HECTD4: variants seen among roughly 807,000 people sequenced by gnomAD.
HECTD4 encodes HECT domain E3 ubiquitin protein ligase 4.
HECTD4 carries 114 observed loss-of-function variants against 471.5 expected under a neutral mutation model. The ratio of observed to expected loss-of-function variants is 0.24; its 90% confidence interval spans 0.21 to 0.28. HECTD4 has a LOEUF of 0.28. HECTD4 is among the 10% of genes least tolerant of loss of function. HECTD4 has a pLI of 1.00. For synonymous variants in HECTD4, 2,012 were observed against 2,256.0 expected (o/e 0.89, Z 3.07); for missense variants, 3,866 against 5,651.5 (o/e 0.68, Z 10.13).
chr12:112,372,285 AG>A (rs1371314237), intron 1 of HECTD4, among the ~76,000 whole-genome samples: 1 of 151,512 alleles, frequency 6.6e-6, no homozygotes, highest in African/African-American at 2.4e-5. Flanking sequence ...TTTAAGATGG[AG>A]TCTCGCTTTG....
chr12:112,358,587 T>C (rs1657152869), intron 1 of HECTD4, among the ~76,000 whole-genome samples: 1 of 151,860 alleles, frequency 6.6e-6, no homozygotes, highest in Admixed American at 6.6e-5. Context: ...TATTCAGGGG[T>C]AGTAATAAAT....
chr12:112,214,964 G>A (rs1593938097), intron 48 of HECTD4, among the ~76,000 whole-genome samples: 1 of 152,084 alleles, frequency 6.6e-6, no homozygotes, highest in Non-Finnish European at 1.5e-5. Flanking sequence ...GACCAGCCTG[G>A]CCAGCATGGT....
Position 112,239,177 on chromosome 12 carries a change from C to T in HECTD4, c.5165G>A (p.Ser1722Asn). The T allele has an allele frequency of 6.2e-7, 1 of 1,613,896 alleles. No homozygotes were observed. The change falls in exon 34 of 76, where the codon AGC (serine) becomes AAC (asparagine). Residue 1722 changes from serine (S) to asparagine (N), a missense_variant. By Grantham distance (46) the Ser-to-Asn change is conservative. This residue lies in a region of HECTD4 where 229 missense variants were observed against 386.4 expected (regional missense o/e 0.59). Transcript: ENST00000682272. This position sits in a 1 kb window ranked among gnomAD's most constrained non-coding sequence, Gnocchi z 4.9. The stretch of plus-strand genomic sequence containing the variant: ...GCTGGACTCGGTCTGATTGCTCAAG[C>T]TACACAGTCGATCCATGAGCTGCAC... ...GLVQLMDRLC[S>N]LSNQTESSSS...
rs758273849 is a variant in HECTD4, at chr12:112,262,515, C to CAAAAAAAA, written c.2749-1094_2749-1087dup. Among the ~76,000 whole-genome samples the CAAAAAAAA allele has an allele frequency of 1.5e-3, 30 of 19,758 alleles. 2 individuals are homozygous for CAAAAAAAA. The highest frequency in any genetic ancestry group is 3.0e-3 in the East Asian group (2 of 670). The allele number at this position is 19,758 out of a possible 152,430, so 13.0% of individuals were successfully genotyped here. A position where few individuals can be genotyped will look rare whatever the true frequency, so the allele number is the denominator to read the frequency against. Reference sequence around the variant, plus strand: ...TGGGCGACAAAGAGAGACTCCATCTCAAAAAAAAAAAAAAAAAAAAAAAAA... The same window carrying CAAAAAAAA: ...TGGGCGACAAAGAGAGACTCCATCTCAAAAAAAAAAAAAAAAAAAAAAAAAAAAAAAAA... On this transcript the variant is annotated intron_variant, in intron 17 of 75. Coordinates refer to ENST00000682272, the MANE Select transcript of HECTD4 (RefSeq NM_001388303.1).
At chr12:112,245,115 A>C (rs1429144510) in intron 29 of HECTD4, among the ~76,000 whole-genome samples, 1 of 152,130 alleles carries the variant, frequency 6.6e-6, no homozygotes, top group Non-Finnish European at 1.5e-5. Context: ...CAATCCTCCC[A>C]ACTCAGCCTC....
At chr12:112,221,221 G>A (rs1007518843) in intron 44 of HECTD4, among the ~76,000 whole-genome samples, 10 of 152,086 alleles carry the variant, frequency 6.6e-5, no homozygotes, top group African/African-American at 2.2e-4. Context: ...TAGTGAAAAC[G>A]GGCAGGAAAG....
chr12:112,218,489 T>C (rs1307366886), intron 45 of HECTD4, among the ~76,000 whole-genome samples: 1 of 152,220 alleles, frequency 6.6e-6, no homozygotes, highest in Non-Finnish European at 1.5e-5. Context: ...ACATTTCATA[T>C]AAATGGAATT....
Position 112,235,039 on chromosome 12 carries a change from G to T in HECTD4, c.5915+38C>A. 6.5e-7 allele frequency: 1 copy of T among 1,534,300 alleles called. No homozygotes were observed. Among genetic ancestry groups the T allele is most frequent in the Non-Finnish European group, 8.8e-7 (1 of 1,134,884 alleles). On this transcript the variant is annotated intron_variant, in intron 37 of 75. Transcript: ENST00000682272. The surrounding 1 kb of genome is among the most constrained non-coding windows in gnomAD (Gnocchi z 5.0). ...GCACAGTGCCTGTGACATGGGTGGT[G>T]CTTGAGGATGTGTAGCTATCACAAT...
intron 60 of HECTD4, 27 bp from the exon 61 acceptor site, chr12:112,185,520 AATT>A: frequency 6.8e-7 from 1 of 1,478,284 alleles, no homozygotes; most frequent in Non-Finnish European, 9.2e-7. Context: ...TAGTAACAGT[AATT>A]ACTATGCAGC....
At position 112,228,015 on chromosome 12, in the gene HECTD4, G is replaced by A; in HGVS notation, c.6854+74C>T. 7.3e-7 allele frequency: 1 copy of A among 1,375,370 alleles called. No homozygotes were observed. The highest frequency in any genetic ancestry group is 9.8e-7 in the Non-Finnish European group (1 of 1,024,176). 85.2% of individuals were successfully genotyped at this position (1,375,370 alleles called of 1,614,324 possible). ...GGATTCACTAAGTTGGGAGTGGAGG[G>A]GCCCACCAAGGATCCCTTCTTCTGT... is the stretch of plus-strand genomic sequence containing the variant. On this transcript the variant is annotated intron_variant, in intron 43 of 75. Coordinates refer to ENST00000682272, the MANE Select transcript of HECTD4 (RefSeq NM_001388303.1). The surrounding 1 kb of genome is among the most constrained non-coding windows in gnomAD (Gnocchi z 4.9).
intron 7 of HECTD4, chr12:112,301,830 T>A: frequency 1.6e-6 from 1 of 620,014 alleles, no homozygotes; most frequent in Non-Finnish European, 2.8e-6. Context: ...TTTGTATTAT[T>A]TTCATTATTT....
In HECTD4 at chr12:112,314,487, C is replaced by A. The variant is rs1411020236; in HGVS notation, c.755G>T (p.Gly252Val). 2.0e-6 allele frequency: 3 copies of A among 1,531,654 alleles called. No individual in the cohort carries two copies. The highest frequency in any genetic ancestry group is 2.6e-6 in the Non-Finnish European group (3 of 1,143,116). The allele number at this position is 1,531,654 out of a possible 1,614,324, so 94.9% of individuals were successfully genotyped here. The part of the protein sequence containing the change: ...VHLLQKQTDL[G>V]SLPVADVLYR... The stretch of plus-strand genomic sequence containing the variant: ...TAGCACATCAGCTACAGGCAGGGAC[C>A]CTAGATCCGTCTGTTTCTGTAATAG... Residue 252 changes from glycine (G) to valine (V), a missense_variant, in exon 3 of 76, where the codon GGG (glycine) becomes GTG (valine). This residue lies in a region of HECTD4 where 440 missense variants were observed against 636.0 expected (regional missense o/e 0.69). Coordinates refer to ENST00000682272, the MANE Select transcript of HECTD4 (RefSeq NM_001388303.1).
In HECTD4 at chr12:112,163,858, C is replaced by T; in HGVS notation, c.12702-121G>A. 1 of 970,470 alleles carries T rather than the reference C, an allele frequency of 1.0e-6. No homozygotes were observed. The allele number at this position is 970,470 out of a possible 1,614,324, so 60.1% of individuals were successfully genotyped here. On this transcript the variant is annotated intron_variant, in intron 73 of 75. Transcript: ENST00000682272. This position sits in a 1 kb window ranked among gnomAD's most constrained non-coding sequence, Gnocchi z 8.2. ...TGGGAGAGGCCTGGGGCCCAGCCGC[C>T]CTGGTCATCCCAGTCCTTTCCTGCC...
chr12:112,358,915 C>T (rs919598068), intron 1 of HECTD4, among the ~76,000 whole-genome samples: 4 of 152,116 alleles, frequency 2.6e-5, no homozygotes, highest in South Asian at 2.1e-4. Context: ...GTGGCTCATG[C>T]CTATAATCCC....
intron 1 of HECTD4, among the ~76,000 whole-genome samples, chr12:112,321,147 T>C (rs1377174101): frequency 6.6e-6 from 1 of 152,224 alleles, no homozygotes; most frequent in Admixed American, 6.5e-5. Context: ...CCTGGCAGCA[T>C]ACCCCATTCT....
At chr12:112,171,800 G>A (rs931164060) in intron 67 of HECTD4, among the ~76,000 whole-genome samples, 1 of 152,214 alleles carries the variant, frequency 6.6e-6, no homozygotes, top group Non-Finnish European at 1.5e-5. Flanking sequence ...TTGCTGATGA[G>A]GCAAGCGGCT....
intron 1 of HECTD4, chr12:112,321,689 T>A (rs1380117705): frequency 6.6e-6 from 1 of 152,162 alleles, no homozygotes; most frequent in Non-Finnish European, 1.5e-5. Context: ...ATAACAAGAA[T>A]TTCCAAAACA....
At position 112,228,155 on chromosome 12, in the gene HECTD4, G is replaced by T; in HGVS notation, c.6788C>A (p.Pro2263His). 1 of 1,613,876 alleles carries T rather than the reference G, an allele frequency of 6.2e-7. No individual in the cohort carries two copies. Among genetic ancestry groups the T allele is most frequent in the Non-Finnish European group, 8.5e-7 (1 of 1,179,838 alleles). The change falls in exon 43 of 76, where the codon CCT becomes CAT. Residue 2263 changes from proline (P) to histidine (H), a missense_variant. Pro to His is a moderately conservative substitution (Grantham distance 77, BLOSUM62 -2). This residue lies in a region of HECTD4 where 617 missense variants were observed against 915.1 expected (regional missense o/e 0.67). Coordinates refer to ENST00000682272, the MANE Select transcript of HECTD4 (RefSeq NM_001388303.1). This position sits in a 1 kb window ranked among gnomAD's most constrained non-coding sequence, Gnocchi z 4.9. ...EGSLSIHTSL[P>H]ATGDGSAPVM... ...AGGAGCTGACCCATCTCCTGTTGCAGGAAGTGAGGTGTGAATAGAGAGACT... is the reference window on the plus strand; with the variant it reads ...AGGAGCTGACCCATCTCCTGTTGCATGAAGTGAGGTGTGAATAGAGAGACT...
At position 112,247,076 on chromosome 12, in the gene HECTD4, C is replaced by T; in HGVS notation, c.4338G>A (p.Arg1446=). Residue 1446 remains arginine, a splice_region_variant and synonymous_variant, in exon 29 of 76, where the codon AGG becomes AGA. Transcript: ENST00000682272. The stretch of plus-strand genomic sequence containing the variant: ...AATTCACTTCTTGTAGGAACTTCTC[C>T]CTATAAAGAAAGACTGATGTGCATT... ...NDLENMVLSL[R]EKFLQEVNSL... 1 of 1,597,962 alleles carries T rather than the reference C, an allele frequency of 6.3e-7. No individual in the cohort carries two copies. Among genetic ancestry groups the T allele is most frequent in the Middle Eastern group, 2.2e-4 (1 of 4,448 alleles).
Sources: gnomAD v4.1 joint callset for allele counts (sites outside exome capture counted in the v4.1 genomes callset) on GRCh38, gnomAD v4.1.1 for gene constraint, gnomAD v4.1.1 regional missense constraint, Gnocchi (gnomAD v3.1) non-coding constraint, MANE v1.5 for transcripts, NCBI Gene and HGNC (gene_info 2026-07-23, HGNC 2026-07-21) for gene names.